The following FAM81B variants were observed in gnomAD, a reference collection of about 807,000 sequenced individuals.
FAM81B encodes the protein family with sequence similarity 81 member B.
A neutral mutation model predicts 58.7 loss-of-function variants in FAM81B; 60 were observed. That is an observed-to-expected ratio of 1.02 (90% CI 0.83 to 1.27). The LOEUF is 1.27. Ranked by LOEUF, FAM81B falls within the 50% of genes most tolerant of loss-of-function variation. The pLI is 0.00. For missense variants in FAM81B, 491 were observed against 522.0 expected (o/e 0.94, Z 0.58); for synonymous variants, 189 against 179.6 (o/e 1.05, Z -0.42).
At chr5:95,442,010 T>C (rs1484153005) in intron 7 of FAM81B, among the ~76,000 whole-genome samples, 1 of 152,248 alleles carries the variant, frequency 6.6e-6, no homozygotes, top group Non-Finnish European at 1.5e-5. Context: ...AAAAAGTGTT[T>C]GGTCAATGAA....
At chr5:95,393,261 G>A (rs909175061) in intron 2 of FAM81B, among the ~76,000 whole-genome samples, 2 of 152,090 alleles carry the variant, frequency 1.3e-5, no homozygotes, top group African/African-American at 4.8e-5. Flanking sequence ...AGAACTTGTC[G>A]TATCTTCTCC....
At chr5:95,393,239 G>A (rs1342989252) in intron 2 of FAM81B, among the ~76,000 whole-genome samples, 1 of 152,026 alleles carries the variant, frequency 6.6e-6, no homozygotes, top group Non-Finnish European at 1.5e-5. Context: ...TAAATAGAAT[G>A]TTTCCTTTAT....
intron 3 of FAM81B, among the ~76,000 whole-genome samples, chr5:95,412,144 CT>C (rs34925496): frequency 1.0e-4 from 15 of 149,828 alleles, no homozygotes; most frequent in African/African-American, 2.0e-4. Flanking sequence ...TGAATTGCTG[CT>C]TTTTTTTTTA....
At position 95,414,205 on chromosome 5, in the gene FAM81B, G is replaced by C. The variant is rs200923262; in HGVS notation, c.537+15G>C. 1.3e-6 allele frequency: 2 copies of C among 1,584,672 alleles called. No homozygotes were observed. Among genetic ancestry groups the C allele is most frequent in the African/African-American group, 2.8e-5 (2 of 72,584 alleles). ...AAAATATTGAGGTAGTTCTCTTTTTGTTTTATTTTGTTTTTGTTTTGTATT... is the reference window on the plus strand; with the variant it reads ...AAAATATTGAGGTAGTTCTCTTTTTCTTTTATTTTGTTTTTGTTTTGTATT... On this transcript the variant is annotated intron_variant, in intron 4 of 9. Transcript: ENST00000283357.
intron 6 of FAM81B, among the ~76,000 whole-genome samples, chr5:95,428,995 C>T (rs1744749413): frequency 6.6e-6 from 1 of 152,060 alleles, no homozygotes; most frequent in African/African-American, 2.4e-5. Context: ...TATTTTTTTA[C>T]TCTCTGGAAG....
chr5:95,412,796 A>G (rs537158149), intron 3 of FAM81B, among the ~76,000 whole-genome samples: 1 of 152,332 alleles, frequency 6.6e-6, no homozygotes, highest in South Asian at 2.1e-4. Flanking sequence ...AAGTTCAAGA[A>G]TGTTTGGATC....
intron 7 of FAM81B, among the ~76,000 whole-genome samples, chr5:95,445,757 A>G (rs1745532675): frequency 6.6e-6 from 1 of 151,934 alleles, no homozygotes; most frequent in African/African-American, 2.4e-5. Context: ...ATTTTGCCTG[A>G]GACAAATGCA....
intron 3 of FAM81B, among the ~76,000 whole-genome samples, chr5:95,409,869 C>T (rs1039100645): frequency 3.3e-5 from 5 of 152,150 alleles, no homozygotes; most frequent in Non-Finnish European, 5.9e-5. Context: ...TTTTTAAATT[C>T]CTTTGGCAGA....
chr5:95,409,486 T>TTTTTTTTTTTTTTTTTTTTTG (rs1554043553), intron 3 of FAM81B, among the ~76,000 whole-genome samples: 140 of 151,324 alleles, frequency 9.3e-4, no homozygotes, highest in African/African-American at 3.0e-3. Flanking sequence ...GAATTTTTCT[T>TTTTTTTTTTTTTTTTTTTTTG]AATGTGGCTA....
At position 95,414,111 on chromosome 5, in the gene FAM81B, A is replaced by C. The variant is rs764359861; in HGVS notation, c.458A>C (p.Glu153Ala). The C allele has an allele frequency of 6.2e-7, 1 of 1,614,116 alleles. No individual in the cohort carries two copies. The highest frequency in any genetic ancestry group is 2.2e-5 in the East Asian group (1 of 44,888). The change falls in exon 4 of 10, where the codon GAA becomes GCA. Residue 153 changes from glutamate to alanine, a missense_variant. Glu to Ala is a moderately radical substitution (Grantham distance 107). Coordinates refer to ENST00000283357, the MANE Select transcript of FAM81B (RefSeq NM_152548.3). ...GGGACCCATGGCTTTCGAAAAGAGG[A>C]ATCGCTCGCCAGGAAGTTACTGGAA... ...LQGTHGFRKE[E>A]SLARKLLESH...
chr5:95,402,158 A>T (rs912006078), intron 3 of FAM81B, among the ~76,000 whole-genome samples: 27 of 152,200 alleles, frequency 1.8e-4, no homozygotes, highest in African/African-American at 6.5e-4. Context: ...CTCAGTTTTT[A>T]TCCCTTAGGA....
At chr5:95,428,851 G>C in intron 6 of FAM81B, 119 bp downstream of exon 6, 1 of 1,365,118 alleles carries the variant, frequency 7.3e-7, no homozygotes, top group East Asian at 2.4e-5. Flanking sequence ...CTTCCAAAGG[G>C]TGTAATTCTG....
At chr5:95,440,598 C>A in intron 7 of FAM81B, 2 of 667,194 alleles carry the variant, frequency 3.0e-6, no homozygotes, top group Middle Eastern at 3.9e-4. Flanking sequence ...GCTCAGAGAG[C>A]TACAGACAAA....
intron 7 of FAM81B, among the ~76,000 whole-genome samples, chr5:95,444,707 CTG>C (rs1582831407): frequency 6.6e-6 from 1 of 152,126 alleles, no homozygotes; most frequent in African/African-American, 2.4e-5. Context: ...AAATATCACT[CTG>C]TGTCAAAAAT....
chr5:95,432,414 A>G (rs1744939554), intron 6 of FAM81B, among the ~76,000 whole-genome samples: 2 of 151,896 alleles, frequency 1.3e-5, no homozygotes, highest in South Asian at 4.1e-4. Context: ...AAGTTTTCTT[A>G]TTTTTCTATG....
At chr5:95,407,400 ACACACACACG>A (rs1403246264) in intron 3 of FAM81B, among the ~76,000 whole-genome samples, 6 of 150,908 alleles carry the variant, frequency 4.0e-5, no homozygotes, top group Non-Finnish European at 7.4e-5. Context: ...TTACACACAC[ACACACACACG>A]CACACACACA....
intron 7 of FAM81B, among the ~76,000 whole-genome samples, chr5:95,444,087 A>G (rs1745463303): frequency 6.6e-6 from 1 of 152,212 alleles, no homozygotes; most frequent in Non-Finnish European, 1.5e-5. Flanking sequence ...GAGACAGGGA[A>G]AGGAAGATGA....
chr5:95,435,087 A>G (rs776904915), intron 6 of FAM81B, among the ~76,000 whole-genome samples: 3 of 152,224 alleles, frequency 2.0e-5, no homozygotes, highest in Non-Finnish European at 4.4e-5. Flanking sequence ...TCCTTGAACA[A>G]AAGTCACGCA....
chr5:95,434,274 T>G (rs898828515), intron 6 of FAM81B, among the ~76,000 whole-genome samples: 2 of 152,150 alleles, frequency 1.3e-5, no homozygotes, highest in Admixed American at 1.3e-4. Flanking sequence ...TTGAATCCAG[T>G]TCCTTGCAGT....
Sources: gnomAD v4.1 joint callset for allele counts (sites outside exome capture counted in the v4.1 genomes callset) on GRCh38, gnomAD v4.1.1 for gene constraint, MANE v1.5 for transcripts, NCBI Gene and HGNC (gene_info 2026-07-23, HGNC 2026-07-21) for gene names.